The following CCDC169 variants were observed in gnomAD, a reference collection of about 807,000 sequenced individuals.
The protein encoded by CCDC169 is coiled-coil domain-containing protein 169.
In CCDC169, 30 loss-of-function variants were observed where a neutral mutation model predicts 36.0. The observed-to-expected ratio is 0.83, with a 90% confidence interval of 0.62 to 1.13. The LOEUF (loss-of-function observed/expected upper bound fraction) is 1.13. Ranked by LOEUF, CCDC169 falls within the 50% of genes most tolerant of loss-of-function variation. CCDC169 has a pLI of 0.00. For missense variants in CCDC169, 245 were observed against 245.9 expected (o/e 1.00, Z 0.03); for synonymous variants, 85 against 81.5 (o/e 1.04, Z -0.23).
Position 36,254,098 on chromosome 13 carries a change from T to G in CCDC169, c.361A>C (p.Thr121Pro), listed in dbSNP as rs749561360. 7 of 1,547,696 alleles carry G rather than the reference T, an allele frequency of 4.5e-6. No individual in the cohort carries two copies. In the South Asian group the frequency reaches 8.4e-5, roughly 19 times the overall value. ...TAGTATTTCACTTGACTTTCAAGAG[T>G]CTTCTTTTCTTCTTCTAGCTGTTTA... ...LLKQLEEEKK[T>P]LESQVKYYAL... Residue 121 changes from threonine (T) to proline (P), a missense_variant, in exon 5 of 8, where the codon ACT (threonine) becomes CCT (proline). By Grantham distance (38) the Thr-to-Pro change is conservative. Coordinates refer to ENST00000239859, the MANE Select transcript of CCDC169 (RefSeq NM_001144981.3).
intron 4 of CCDC169, among the ~76,000 whole-genome samples, chr13:36,279,256 T>C (rs1195291697): frequency 6.6e-6 from 1 of 152,086 alleles, no homozygotes; most frequent in Admixed American, 6.6e-5. Flanking sequence ...AATATTTCAA[T>C]AGCTTCTTAT....
At chr13:36,247,923 G>A (rs1872694288) in intron 7 of CCDC169, among the ~76,000 whole-genome samples, 2 of 152,148 alleles carry the variant, frequency 1.3e-5, no homozygotes, top group Admixed American at 6.6e-5. Context: ...TCATAAAAGA[G>A]TCAATCGGTG....
chr13:36,253,776 T>C (rs974034883), intron 6 of CCDC169, 27 bp downstream of exon 6: 16 of 1,537,258 alleles, frequency 1.0e-5, no homozygotes, highest in Non-Finnish European at 1.4e-5. Context: ...AAGAAACACT[T>C]AGAATTTGGA....
chr13:36,244,450 G>A (rs1017445210), intron 7 of CCDC169: 1 of 152,148 alleles, frequency 6.6e-6, no homozygotes, highest in Admixed American at 6.6e-5. Context: ...TTCATGTACT[G>A]TCATACCTGT....
At chr13:36,260,157 G>T (rs542448597) in intron 4 of CCDC169, among the ~76,000 whole-genome samples, 2 of 152,312 alleles carry the variant, frequency 1.3e-5, no homozygotes, top group East Asian at 1.9e-4. Context: ...TACATAACTG[G>T]CTCAAAGACA....
chr13:36,252,540 T>C (rs1873301498), intron 6 of CCDC169, among the ~76,000 whole-genome samples: 1 of 152,164 alleles, frequency 6.6e-6, no homozygotes, highest in African/African-American at 2.4e-5. Context: ...CTCTACCTCC[T>C]TGTCTGACCT....
chr13:36,230,826 A>G lies in CCDC169; in HGVS notation c.*367T>C, dbSNP rs1870338876. ...AAAACTGAGCAAGATCCAGCCCAAAATGGCAAAAAGGTTTTATGAATACAC... is the reference window on the plus strand; with the variant it reads ...AAAACTGAGCAAGATCCAGCCCAAAGTGGCAAAAAGGTTTTATGAATACAC... On this transcript the variant is annotated 3_prime_UTR_variant, in exon 8 of 8. Coordinates refer to ENST00000239859, the MANE Select transcript of CCDC169 (RefSeq NM_001144981.3). The G allele has an allele frequency of 2.0e-6, 2 of 990,872 alleles. No homozygotes were observed. Among genetic ancestry groups the G allele is most frequent in the Non-Finnish European group, 2.4e-6 (2 of 833,936 alleles). The allele number at this position is 990,872 out of a possible 1,614,324, so 61.4% of individuals were successfully genotyped here. A position where few individuals can be genotyped will look rare whatever the true frequency, so the allele number is the denominator to read the frequency against.
chr13:36,223,049 G>A (rs1869695988), downstream of CCDC169: 1 of 152,120 alleles, frequency 6.6e-6, no homozygotes, highest in African/African-American at 2.4e-5. Flanking sequence ...TAAGCTCATT[G>A]AACACCATGC....
chr13:36,288,587 C>T (rs888350429), intron 2 of CCDC169, among the ~76,000 whole-genome samples: 1 of 152,146 alleles, frequency 6.6e-6, no homozygotes, highest in African/African-American at 2.4e-5. Context: ...AGAATGGTTT[C>T]ATCCAGAAAA....
intron 4 of CCDC169, among the ~76,000 whole-genome samples, chr13:36,263,247 T>G (rs1874824942): frequency 1.3e-5 from 2 of 152,216 alleles, no homozygotes; most frequent in South Asian, 2.1e-4. Context: ...GGTTTAAAAT[T>G]TAATCCCCAA....
At position 36,254,465 on chromosome 13, in the gene CCDC169, C is replaced by T. The variant is rs368708857; in HGVS notation, c.316-322G>A. ...TAATTTTTTGTGTTTTTAGTAGAGA[C>T]GTGGTTTCACTATGTTGGCCAGGCT... On this transcript the variant is annotated intron_variant, in intron 4 of 7. Transcript: ENST00000239859. Among the ~76,000 whole-genome samples the T allele has an allele frequency of 1.5e-4, 22 of 151,678 alleles. 1 individual carries two copies. In the East Asian group the frequency reaches 3.7e-3, roughly 26 times the overall value.
intron 4 of CCDC169, among the ~76,000 whole-genome samples, chr13:36,256,868 G>T (rs1461293776): frequency 6.6e-6 from 1 of 152,194 alleles, no homozygotes; most frequent in African/African-American, 2.4e-5. Flanking sequence ...CACCCAGAGT[G>T]TCCATAGGTT....
At chr13:36,261,023 G>C (rs541003356) in intron 4 of CCDC169, among the ~76,000 whole-genome samples, 1 of 152,294 alleles carries the variant, frequency 6.6e-6, no homozygotes, top group African/African-American at 2.4e-5. Context: ...GGAAATCTGG[G>C]AAAGAGGTAT....
chr13:36,281,103 T>G (rs1566086091), intron 4 of CCDC169: 1 of 349,584 alleles, frequency 2.9e-6, no homozygotes, highest in Non-Finnish European at 5.6e-6. Flanking sequence ...TTTTGAATGA[T>G]AACGTGAAGC....
rs1395016994 is a variant in CCDC169 at position 36,236,016 on chromosome 13, TAGAA to T, written c.546-4728_546-4725del. Among the ~76,000 whole-genome samples the T allele has an allele frequency of 2.0e-5, 3 of 152,112 alleles. No individual in the cohort carries two copies. In the East Asian group the frequency reaches 5.8e-4, roughly 29 times the overall value. ...AGAAATTAAAGAAGATCTAAATGAA[TAGAA>T]AGAAATTCATGTTCTTGGATTAGAA... On this transcript the variant is annotated intron_variant, in intron 7 of 7. Coordinates refer to ENST00000239859, the MANE Select transcript of CCDC169 (RefSeq NM_001144981.3).
chr13:36,245,747 A>G (rs1175085287), intron 7 of CCDC169, among the ~76,000 whole-genome samples: 1 of 152,204 alleles, frequency 6.6e-6, no homozygotes, highest in Non-Finnish European at 1.5e-5. Context: ...ATTCAGGCAT[A>G]CCTTGTCTTA....
downstream of CCDC169, among the ~76,000 whole-genome samples, chr13:36,228,860 C>T (rs1870126917): frequency 6.6e-6 from 1 of 152,166 alleles, no homozygotes; most frequent in Non-Finnish European, 1.5e-5. Flanking sequence ...ATTGCATTTT[C>T]TTTATGACAA....
chr13:36,285,603 A>ATAGATAGATAGATAGATAGATAGCTAGC (rs1276014417), intron 2 of CCDC169, among the ~76,000 whole-genome samples: 2 of 148,146 alleles, frequency 1.4e-5, no homozygotes, highest in African/African-American at 4.9e-5. Flanking sequence ...AGATAGATAG[A>ATAGATAGATAGATAGATAGATAGCTAGC]TAGATAGATA....
intron 4 of CCDC169, among the ~76,000 whole-genome samples, chr13:36,270,710 G>C (rs989705970): frequency 1.3e-5 from 2 of 152,092 alleles, no homozygotes; most frequent in Admixed American, 1.3e-4. Flanking sequence ...GGGAAAACTA[G>C]CAATCCACAT....
Sources: gnomAD v4.1 joint callset for allele counts (sites outside exome capture counted in the v4.1 genomes callset) on GRCh38, gnomAD v4.1.1 for gene constraint, MANE v1.5 for transcripts, NCBI Gene and HGNC (gene_info 2026-07-23, HGNC 2026-07-21) for gene names.